ANO4: variants seen among roughly 807,000 people sequenced by gnomAD.
The protein encoded by ANO4 is anoctamin 4.
ANO4 carries 69 observed loss-of-function variants against 141.9 expected under a neutral mutation model. The ratio of observed to expected loss-of-function variants is 0.49; its 90% CI spans 0.40 to 0.59. The LOEUF is 0.59. Ranked by LOEUF, ANO4 falls within the 20% of genes least tolerant of loss-of-function variation. ANO4 has a pLI of 0.00. For missense variants in ANO4, 894 were observed against 1,162.2 expected (o/e 0.77, Z 3.36); for synonymous variants, 350 against 394.3 (o/e 0.89, Z 1.33).
intron 2 of ANO4, among the ~76,000 whole-genome samples, chr12:100,920,577 G>A (rs1729703153): frequency 6.7e-6 from 1 of 148,888 alleles, no homozygotes; most frequent in African/African-American, 2.5e-5. Context: ...TTTTAATTCT[G>A]GACCAGCAGG....
At chr12:100,882,735 G>C (rs2039630407) in intron 1 of ANO4, among the ~76,000 whole-genome samples, 1 of 151,938 alleles carries the variant, frequency 6.6e-6, no homozygotes, top group Admixed American at 6.6e-5. Context: ...GTCTCTCTCT[G>C]TTCCCCAGGC....
At chr12:101,098,029 A>G (rs1593263111) in intron 21 of ANO4, 84 bp downstream of exon 21, 1 of 1,242,188 alleles carries the variant, frequency 8.1e-7, no homozygotes, top group East Asian at 2.3e-5. Flanking sequence ...TAAGCAATGC[A>G]GACTCAGCAG....
intron 1 of ANO4, among the ~76,000 whole-genome samples, chr12:100,817,081 A>G (rs2035776807): frequency 6.6e-6 from 1 of 151,878 alleles, no homozygotes; most frequent in Admixed American, 6.6e-5. Context: ...TTGGGTCATT[A>G]TTTTGTAGGA....
intron 3 of ANO4, among the ~76,000 whole-genome samples, chr12:100,775,209 A>G (rs2033456143): frequency 6.6e-6 from 1 of 152,232 alleles, no homozygotes; most frequent in Non-Finnish European, 1.5e-5. Flanking sequence ...CTAAAATAGC[A>G]GTCTTTCAAA....
At chr12:100,733,251 T>C (rs914547204) in intron 1 of ANO4, among the ~76,000 whole-genome samples, 14 of 152,306 alleles carry the variant, frequency 9.2e-5, no homozygotes, top group African/African-American at 3.4e-4. Context: ...TGCATTCAGC[T>C]GCTAACCCAC....
chr12:101,068,372 A>G (rs2048679799), intron 14 of ANO4: 2 of 1,051,326 alleles, frequency 1.9e-6, no homozygotes, highest in Non-Finnish European at 3.0e-6. Flanking sequence ...GTCTTTGACC[A>G]AAGAAGAATT....
chr12:100,826,191 T>G (rs116089893), intron 1 of ANO4, among the ~76,000 whole-genome samples: 2,702 of 152,016 alleles, frequency 0.018, 79 homozygotes, highest in African/African-American at 0.061. Context: ...AGTGAAAAAT[T>G]GAAATATGAA....
intron 3 of ANO4, among the ~76,000 whole-genome samples, chr12:100,741,962 C>A (rs1158999448): frequency 6.6e-6 from 1 of 151,980 alleles, no homozygotes; most frequent in Non-Finnish European, 1.5e-5. Flanking sequence ...CTTTTTTTCT[C>A]CTCCATAGAG....
At chr12:100,952,897 A>G (rs1024511697) in intron 5 of ANO4, among the ~76,000 whole-genome samples, 1 of 152,220 alleles carries the variant, frequency 6.6e-6, no homozygotes, top group African/African-American at 2.4e-5. Flanking sequence ...TGATTTATTC[A>G]AAGGATTATT....
intron 1 of ANO4, among the ~76,000 whole-genome samples, chr12:100,848,146 G>A (rs1484847878): frequency 2.0e-5 from 3 of 151,938 alleles, no homozygotes; most frequent in Non-Finnish European, 2.9e-5. Context: ...TTTTCTTCCT[G>A]TAGATTAGGA....
At chr12:101,097,732 T>C (rs1349582540) in intron 20 of ANO4, 24 bp downstream of exon 20, 1 of 1,613,184 alleles carries the variant, frequency 6.2e-7, no homozygotes, top group Admixed American at 1.7e-5. Flanking sequence ...CATCATTCCT[T>C]GTTTCCGACA....
At chr12:100,876,632 C>T (rs821855) in intron 1 of ANO4, among the ~76,000 whole-genome samples, 90,381 of 152,002 alleles carry the variant, frequency 0.59, 27,035 homozygotes, top group South Asian at 0.64. Flanking sequence ...TGTGGAGGAG[C>T]TGGCTGTAAG....
chr12:100,876,803 T>C (rs554903245), intron 1 of ANO4, among the ~76,000 whole-genome samples: 4 of 152,326 alleles, frequency 2.6e-5, no homozygotes, highest in African/African-American at 4.8e-5. Context: ...TTCCCTTCCA[T>C]TGGTTGATGT....
chr12:100,886,647 G>A (rs2039844989), intron 1 of ANO4, among the ~76,000 whole-genome samples: 1 of 152,044 alleles, frequency 6.6e-6, no homozygotes, highest in Non-Finnish European at 1.5e-5. Context: ...CAGCCCACAG[G>A]CCAAATCCAG....
intron 25 of ANO4, 80 bp from the exon 26 acceptor site, chr12:101,120,440 G>C (rs541636748): frequency 1.6e-6 from 2 of 1,214,802 alleles, no homozygotes; most frequent in Non-Finnish European, 2.4e-6. Flanking sequence ...ATTGAATGAG[G>C]ACTATATAAT....
intron 1 of ANO4, among the ~76,000 whole-genome samples, chr12:100,827,958 G>A (rs114317446): frequency 0.023 from 3,470 of 152,056 alleles, 132 homozygotes; most frequent in African/African-American, 0.079. Flanking sequence ...GGGCTACGAC[G>A]GGTGTCCCTT....
At chr12:100,740,037 C>T in exon 3 of ANO4, 2 of 702,610 alleles carry the variant, frequency 2.8e-6, no homozygotes, top group Non-Finnish European at 5.2e-6. Flanking sequence ...TGTCCAGCCT[C>T]ACTGTCTATC....
intron 3 of ANO4, among the ~76,000 whole-genome samples, chr12:100,932,298 G>A (rs1456319249): frequency 6.6e-6 from 1 of 151,570 alleles, no homozygotes; most frequent in Non-Finnish European, 1.5e-5. Flanking sequence ...ATGAATCAAA[G>A]TCTTTGATTT....
chr12:101,037,540 A>G (rs1475344690), intron 10 of ANO4, among the ~76,000 whole-genome samples: 2 of 152,326 alleles, frequency 1.3e-5, no homozygotes, highest in East Asian at 3.9e-4. Flanking sequence ...AGTGGGAGGA[A>G]GCCATCTTGA....
Sources: allele counts gnomAD v4.1 joint callset (sites outside exome capture counted in the v4.1 genomes callset), GRCh38; gene constraint gnomAD v4.1.1; transcripts MANE v1.5; gene names NCBI Gene and HGNC (gene_info 2026-07-23, HGNC 2026-07-21).